Variants in ZAP70 observed in about 807,000 individuals in gnomAD.
The protein encoded by ZAP70 is tyrosine-protein kinase ZAP-70.
Under a neutral mutation model 65.8 loss-of-function variants are expected in ZAP70, and 27 were observed. That is an observed-to-expected ratio of 0.41 (90% CI 0.30 to 0.57). ZAP70 has a LOEUF of 0.57. Among genes scored for constraint, ZAP70 ranks in the 20% least tolerant of loss-of-function variants. The pLI, the probability that ZAP70 is intolerant of heterozygous loss-of-function variation, is 0.28. For synonymous variants in ZAP70, 363 were observed against 360.8 expected (o/e 1.01, Z -0.07); for missense variants, 696 against 870.5 (o/e 0.80, Z 2.52).
intron 2 of ZAP70, among the ~76,000 whole-genome samples, chr2:97,714,393 C>A (rs1676827142): frequency 1.3e-5 from 2 of 152,212 alleles, no homozygotes; most frequent in Admixed American, 1.3e-4. Context: ...TGCTGTGATT[C>A]CTGTGAGGAG....
At chr2:97,753,603 T>G in the ZAP70 span, among the ~76,000 whole-genome samples, 27 of 152,314 alleles carry the variant, frequency 1.8e-4, no homozygotes, top group Non-Finnish European at 3.2e-4. Flanking sequence ...AATTCTAATT[T>G]CACTCCTTTG....
downstream of ZAP70, among the ~76,000 whole-genome samples, chr2:97,744,157 G>A (rs1678191576): frequency 6.6e-6 from 1 of 152,164 alleles, no homozygotes; most frequent in African/African-American, 2.4e-5. Flanking sequence ...TTTGAACCCA[G>A]CGAAACCCTA....
At chr2:97,740,526 CATT>C (rs932656040), downstream of ZAP70, among the ~76,000 whole-genome samples, 2 of 152,156 alleles carry the variant, frequency 1.3e-5, no homozygotes, top group Non-Finnish European at 2.9e-5. Flanking sequence ...TTTTGGTCAT[CATT>C]ATGTTTCATG....
At position 97,731,170 on chromosome 2, in the gene ZAP70, CTTAGGAGGT is replaced by C. The variant is rs1194314062; in HGVS notation, c.564-1712_564-1704del. ...CAGTTTAAAACTTCAGGTTGTGACCCTTAGGAGGTGTTTTCACTTCTCACAGTCCCTGGA... is the reference window on the plus strand; with the variant it reads ...CAGTTTAAAACTTCAGGTTGTGACCCGTTTTCACTTCTCACAGTCCCTGGA... On this transcript the variant is annotated intron_variant, in intron 4 of 13. Coordinates refer to ENST00000264972, the MANE Select transcript of ZAP70 (RefSeq NM_001079.4). This position sits in a 1 kb window ranked among gnomAD's most constrained non-coding sequence, Gnocchi z 4.0. 2.0e-5 allele frequency among the ~76,000 whole-genome samples: 3 copies of C among 152,036 alleles called. No homozygotes were observed. The highest frequency in any genetic ancestry group is 7.2e-5 in the African/African-American group (3 of 41,402).
At chr2:97,719,032 G>C (rs907643033) in intron 2 of ZAP70, among the ~76,000 whole-genome samples, 1 of 152,264 alleles carries the variant, frequency 6.6e-6, no homozygotes, top group East Asian at 1.9e-4. Context: ...GGGGCAGAGG[G>C]CTGGGGAGAT....
chr2:97,742,618 G>A (rs181099283), downstream of ZAP70, among the ~76,000 whole-genome samples: 1 of 152,376 alleles, frequency 6.6e-6, no homozygotes, highest in African/African-American at 2.4e-5. Flanking sequence ...GGTCCCATGT[G>A]CCTGTAGCTT....
At chr2:97,719,562 G>GGC (rs1677083317) in intron 2 of ZAP70, among the ~76,000 whole-genome samples, 1 of 148,400 alleles carries the variant, frequency 6.7e-6, no homozygotes, top group East Asian at 2.2e-4. Flanking sequence ...CTGGGGGGGG[G>GGC]GCGCAGACCA....
At chr2:97,735,838 C>G (rs1677854894) in intron 10 of ZAP70, among the ~76,000 whole-genome samples, 1 of 152,080 alleles carries the variant, frequency 6.6e-6, no homozygotes, top group Non-Finnish European at 1.5e-5. Context: ...ATGGTGAAAC[C>G]CCGTCCTTAC....
Position 97,731,977 on chromosome 2 carries a change from A to G in ZAP70, c.564-906A>G, listed in dbSNP as rs1016850182. ...GAGGCTTGTGCCAGTGACCCCAGAC[A>G]AAACTGTTGTGTGGGGGATGCTGAC... On this transcript the variant is annotated intron_variant, in intron 4 of 13. Transcript: ENST00000264972. The surrounding 1 kb of genome is among the most constrained non-coding windows in gnomAD (Gnocchi z 4.0). Among the ~76,000 whole-genome samples, 2 of 152,114 alleles carry G rather than the reference A, an allele frequency of 1.3e-5. No homozygotes were observed. The highest frequency in any genetic ancestry group is 4.8e-5 in the African/African-American group (2 of 41,418).
At chr2:97,742,294 T>C (rs929127714), downstream of ZAP70, among the ~76,000 whole-genome samples, 12 of 152,244 alleles carry the variant, frequency 7.9e-5, no homozygotes, top group African/African-American at 2.9e-4. Flanking sequence ...TAATTTTAGA[T>C]GGGAAAAATA....
the ZAP70 span, among the ~76,000 whole-genome samples, chr2:97,754,313 G>T: frequency 6.6e-6 from 1 of 152,136 alleles, no homozygotes; most frequent in South Asian, 2.1e-4. Flanking sequence ...TGGTCGGGGG[G>T]GGTCTCAGGC....
chr2:97,725,100 C>T lies in ZAP70; in HGVS notation c.411C>T (p.Ala137=), dbSNP rs2104665080. Residue 137 remains alanine (A), a synonymous_variant, in exon 4 of 14, where the codon GCC becomes GCT. Transcript: ENST00000264972. ...CGCCTCTCCTTTTCTAGGGCGAGGCCCTGGAGCAGGCCATCATCAGCCAGG... is the reference window on the plus strand; with the variant it reads ...CGCCTCTCCTTTTCTAGGGCGAGGCTCTGGAGCAGGCCATCATCAGCCAGG... The part of the protein sequence containing the change: ...VRQTWKLEGE[A]LEQAIISQAP... 1.2e-6 allele frequency: 2 copies of T among 1,614,068 alleles called. No homozygotes were observed. Among genetic ancestry groups the T allele is most frequent in the Non-Finnish European group, 8.5e-7 (1 of 1,180,026 alleles).
At position 97,739,122 on chromosome 2, in the gene ZAP70, C is replaced by CA. The variant is rs200911920; in HGVS notation, c.1737-251dup. 4.0e-3 allele frequency among the ~76,000 whole-genome samples: 605 copies of CA among 152,308 alleles called. 2 individuals are homozygous for CA. Among genetic ancestry groups the CA allele is most frequent in the African/African-American group, 0.014 (584 of 41,568 alleles). On this transcript the variant is annotated intron_variant, in intron 13 of 13. Transcript: ENST00000264972. ...CTCAGTCCCCTGAGTCCTCACTGGT[C>CA]AACGCTCGGTAGAGGGGTCATCCCA...
rs1677923316 is a variant in ZAP70, at chr2:97,737,133, A to T, written c.1290-340A>T. On this transcript the variant is annotated intron_variant, in intron 10 of 13. Transcript: ENST00000264972. This position sits in a 1 kb window ranked among gnomAD's most constrained non-coding sequence, Gnocchi z 5.0. ...TGCTGGAGAGGACAGTGGAGGAGCC[A>T]TATGTGTGTGCACATGGGGATGGGG... Among the ~76,000 whole-genome samples the T allele has an allele frequency of 6.6e-6, 1 of 152,142 alleles. No homozygotes were observed. Among genetic ancestry groups the T allele is most frequent in the African/African-American group, 2.4e-5 (1 of 41,432 alleles).
At chr2:97,738,200 C>T in intron 13 of ZAP70, 93 bp downstream of exon 13, 1 of 1,259,702 alleles carries the variant, frequency 7.9e-7, no homozygotes, top group South Asian at 1.3e-5. Flanking sequence ...TACCCAATGT[C>T]ATCTCACCCA....
chr2:97,746,549 A>T, the ZAP70 span, among the ~76,000 whole-genome samples: 1 of 152,314 alleles, frequency 6.6e-6, no homozygotes, highest in East Asian at 1.9e-4. Flanking sequence ...GGCTTGGCAG[A>T]TTTTGCTGGT....
the ZAP70 span, among the ~76,000 whole-genome samples, chr2:97,751,986 G>C: frequency 0.011 from 1,694 of 152,286 alleles, 28 homozygotes; most frequent in African/African-American, 0.038. Context: ...ACTCAGCAGG[G>C]CCAAACAAAC....
At position 97,739,487 on chromosome 2, in the gene ZAP70, G is replaced by C; in HGVS notation, c.1849G>C (p.Ala617Pro). The stretch of plus-strand genomic sequence containing the variant: ...AGGCAGCACACAGAAGGCTGAGGCT[G>C]CCTGTGCCTGAGCTCCCGCTGCCCA... ...PPGSTQKAEA[A>P]CA Residue 617 changes from alanine to proline, a missense_variant, in exon 14 of 14, where the codon GCC becomes CCC. Ala to Pro is a conservative substitution (Grantham distance 27). Coordinates refer to ENST00000264972, the MANE Select transcript of ZAP70 (RefSeq NM_001079.4). 6.2e-7 allele frequency: 1 copy of C among 1,612,808 alleles called. No individual in the cohort carries two copies. Among genetic ancestry groups the C allele is most frequent in the Non-Finnish European group, 8.5e-7 (1 of 1,179,696 alleles).
chr2:97,739,867 C>T (rs200779683), downstream of ZAP70: 16 of 273,844 alleles, frequency 5.8e-5, no homozygotes, highest in African/African-American at 1.7e-4. Flanking sequence ...CTTGTCTGAG[C>T]GCCCTCATCT....
Sources: gnomAD v4.1 joint callset for allele counts (sites outside exome capture counted in the v4.1 genomes callset) on GRCh38, gnomAD v4.1.1 for gene constraint, Gnocchi (gnomAD v3.1) non-coding constraint, MANE v1.5 for transcripts, NCBI Gene and HGNC (gene_info 2026-07-23, HGNC 2026-07-21) for gene names.